DHRS7B: variants seen among roughly 807,000 people sequenced by gnomAD.
The protein encoded by DHRS7B is peroxisomal reductase activating PPAR-gamma.
In DHRS7B, 24 loss-of-function variants were observed where a neutral mutation model predicts 26.4. That is an observed-to-expected ratio of 0.91 (90% confidence interval 0.66 to 1.28). The LOEUF (loss-of-function observed/expected upper bound fraction) is 1.28, where lower values mean the gene tolerates loss of function less well. Ranked by LOEUF, DHRS7B falls within the 50% of genes most tolerant of loss-of-function variation. The probability of loss-of-function intolerance (pLI) is 0.00; values close to 1 mark genes in which losing one functional copy is unlikely to be tolerated. For synonymous variants in DHRS7B, 142 were observed against 166.4 expected (o/e 0.85, Z 1.13); for missense variants, 368 against 419.4 (o/e 0.88, Z 1.07).
intron 2 of DHRS7B, among the ~76,000 whole-genome samples, chr17:21,177,999 A>T (rs1489798116): frequency 2.0e-5 from 3 of 152,250 alleles, no homozygotes; most frequent in African/African-American, 7.2e-5. Context: ...TCTGAGCATG[A>T]TACTTAACAC....
chr17:21,162,217 T>C (rs1004088607), intron 1 of DHRS7B, among the ~76,000 whole-genome samples: 4 of 152,184 alleles, frequency 2.6e-5, no homozygotes, highest in African/African-American at 9.7e-5. Flanking sequence ...ACATTTAATG[T>C]TTAATCCCTA....
chr17:21,152,375 G>A lies in DHRS7B; in HGVS notation c.21-19643G>A, dbSNP rs554348872. On this transcript the variant is annotated intron_variant, in intron 1 of 6. Coordinates refer to ENST00000395511, the MANE Select transcript of DHRS7B (RefSeq NM_015510.5). ...TCACCACATTGCCCAGGCTAGTGTC[G>A]AACTCCTGGACTCAAGCAATATGCC... Among the ~76,000 whole-genome samples the A allele has an allele frequency of 3.9e-4, 60 of 152,104 alleles. No homozygotes were observed. In the South Asian group the frequency reaches 1.0e-2, roughly 25 times the overall value.
chr17:21,145,024 TA>T (rs931531037), intron 1 of DHRS7B, among the ~76,000 whole-genome samples: 3 of 151,590 alleles, frequency 2.0e-5, no homozygotes, highest in South Asian at 4.2e-4. Flanking sequence ...TCTAGTGGAT[TA>T]AAAAAAATCA....
chr17:21,166,152 G>A, intron 1 of DHRS7B: 1 of 985,510 alleles, frequency 1.0e-6, no homozygotes. Context: ...TTGCCGGGAA[G>A]CATGTGCTTG....
At chr17:21,154,568 G>T (rs1231289341) in intron 1 of DHRS7B, among the ~76,000 whole-genome samples, 1 of 152,116 alleles carries the variant, frequency 6.6e-6, no homozygotes, top group African/African-American at 2.4e-5. Context: ...GAAAGAAAAT[G>T]ATATGAGTCA....
At chr17:21,131,217 C>T (rs768166665) in intron 1 of DHRS7B, among the ~76,000 whole-genome samples, 4 of 152,222 alleles carry the variant, frequency 2.6e-5, no homozygotes, top group African/African-American at 9.6e-5. Flanking sequence ...ATGGCTACTC[C>T]ATAGGCAAAG....
chr17:21,148,732 C>T (rs559330193), intron 1 of DHRS7B, among the ~76,000 whole-genome samples: 5 of 151,560 alleles, frequency 3.3e-5, no homozygotes, highest in African/African-American at 9.7e-5. Flanking sequence ...GGCGACAGAG[C>T]GAGATTGTAA....
intron 4 of DHRS7B, among the ~76,000 whole-genome samples, 158 bp from the exon 5 acceptor site, chr17:21,184,213 T>C (rs1974577850): frequency 6.6e-6 from 1 of 152,198 alleles, no homozygotes; most frequent in East Asian, 1.9e-4. Flanking sequence ...CTGCTGGGCA[T>C]AGGAGGCTGG....
At chr17:21,162,414 A>G (rs948871084) in intron 1 of DHRS7B, among the ~76,000 whole-genome samples, 2 of 152,214 alleles carry the variant, frequency 1.3e-5, no homozygotes, top group Non-Finnish European at 2.9e-5. Context: ...AAATAAAACA[A>G]CACATCTGGG....
At chr17:21,146,925 T>C (rs1321501933) in intron 1 of DHRS7B, among the ~76,000 whole-genome samples, 1 of 152,220 alleles carries the variant, frequency 6.6e-6, no homozygotes, top group African/African-American at 2.4e-5. Context: ...GGATATTTCC[T>C]TTTTCCCCAA....
intron 1 of DHRS7B, among the ~76,000 whole-genome samples, chr17:21,137,295 C>CT (rs1194614460): frequency 0.055 from 5,917 of 108,220 alleles, 284 homozygotes; most frequent in South Asian, 0.094. Context: ...TCTTTTTTGT[C>CT]TTTTTTTTTT....
chr17:21,165,934 ACCACATT>A lies in DHRS7B; in HGVS notation c.21-6083_21-6077del, dbSNP rs1186350327. On this transcript the variant is annotated intron_variant, in intron 1 of 6. Coordinates refer to ENST00000395511, the MANE Select transcript of DHRS7B (RefSeq NM_015510.5). ...CCGTCTCCAAAAAAAAAAAAAAAAA[ACCACATT>A]AAAAACCAAAATTGTGTGTGTCCAA... 3.4e-5 allele frequency among the ~76,000 whole-genome samples: 5 copies of A among 145,492 alleles called. No individual in the cohort carries two copies. In the East Asian group the frequency reaches 6.1e-4, roughly 18 times the overall value.
intron 6 of DHRS7B, 94 bp from the exon 7 acceptor site, chr17:21,190,854 C>A: frequency 7.7e-7 from 1 of 1,295,920 alleles, no homozygotes; most frequent in Non-Finnish European, 1.1e-6. Flanking sequence ...GTGGGAAAGG[C>A]AGCAGGCTGA....
rs1416792152 is a variant in DHRS7B at position 21,190,936 on chromosome 17, T to C, written c.773-12T>C. ...CCAAGTTCATGTGTTTCTTTTGTTT[T>C]ATTTATTTTAGTTATGGACACCACC... On this transcript the variant is annotated splice_polypyrimidine_tract_variant and intron_variant, in intron 6 of 6. Transcript: ENST00000395511. The C allele has an allele frequency of 5.6e-6, 9 of 1,613,276 alleles. No individual in the cohort carries two copies. In the Middle Eastern group the frequency reaches 1.2e-3, roughly 214 times the overall value.
intron 1 of DHRS7B, chr17:21,166,292 T>C (rs1414830450): frequency 2.3e-5 from 23 of 985,328 alleles, no homozygotes; most frequent in Admixed American, 6.1e-5. Flanking sequence ...CTGTACTCTT[T>C]TAAACCAGGG....
At chr17:21,164,203 A>C (rs1196863531) in intron 1 of DHRS7B, among the ~76,000 whole-genome samples, 3 of 144,332 alleles carry the variant, frequency 2.1e-5, no homozygotes. Flanking sequence ...TACTTTTTTC[A>C]CTTTTTTTAT....
intron 1 of DHRS7B, among the ~76,000 whole-genome samples, chr17:21,141,686 C>T (rs1156941339): frequency 6.8e-6 from 1 of 147,198 alleles, no homozygotes; most frequent in Non-Finnish European, 1.5e-5. Context: ...TGCCTTCCAT[C>T]ATTATGGAAG....
intron 1 of DHRS7B, among the ~76,000 whole-genome samples, chr17:21,135,370 T>G (rs1052477725): frequency 6.6e-6 from 1 of 152,214 alleles, no homozygotes; most frequent in Non-Finnish European, 1.5e-5. Context: ...TCTAATGTCT[T>G]AAAGGATTAA....
At chr17:21,137,266 C>A (rs1436342518) in intron 1 of DHRS7B, among the ~76,000 whole-genome samples, 5 of 149,176 alleles carry the variant, frequency 3.4e-5, no homozygotes, top group African/African-American at 1.2e-4. Flanking sequence ...AGGCGTGAGC[C>A]ACTGGGCCTG....
Sources: allele counts gnomAD v4.1 joint callset (sites outside exome capture counted in the v4.1 genomes callset), GRCh38; gene constraint gnomAD v4.1.1; transcripts MANE v1.5; gene names NCBI Gene and HGNC (gene_info 2026-07-23, HGNC 2026-07-21).